CPNE8: variants seen among roughly 807,000 people sequenced by gnomAD.
CPNE8 encodes the protein copine-8.
Under a neutral mutation model 81.5 loss-of-function variants are expected in CPNE8, and 45 were observed. The ratio of observed to expected loss-of-function variants is 0.55; its 90% confidence interval spans 0.44 to 0.71. CPNE8 has a LOEUF of 0.71. Among genes scored for constraint, CPNE8 ranks in the 30% least tolerant of loss-of-function variants. The pLI, the probability that CPNE8 is intolerant of heterozygous loss-of-function variation, is 0.00. For missense variants in CPNE8, 594 were observed against 672.1 expected (o/e 0.88, Z 1.28); for synonymous variants, 252 against 226.3 (o/e 1.11, Z -1.02).
intron 5 of CPNE8, among the ~76,000 whole-genome samples, chr12:38,832,649 A>C (rs7134910): frequency 0.034 from 5,155 of 152,186 alleles, 274 homozygotes; most frequent in African/African-American, 0.12. Context: ...GGAGGCCTCT[A>C]CAGGTACCGT....
rs549903763 is a variant in CPNE8 at position 38,791,641 on chromosome 12, A to C, written c.408-15340T>G. Among the ~76,000 whole-genome samples, 3 of 151,778 alleles carry C rather than the reference A, an allele frequency of 2.0e-5. No individual in the cohort carries two copies. In the South Asian group the frequency reaches 6.2e-4, roughly 31 times the overall value. ...AAGATAATAAAACAGAAAGAAAATA[A>C]TATGAGACTTCAATACCACATCTTT... On this transcript the variant is annotated intron_variant, in intron 6 of 19. Transcript: ENST00000331366.
At chr12:38,801,402 A>G (rs1215499102) in intron 6 of CPNE8, among the ~76,000 whole-genome samples, 2 of 30,790 alleles carry the variant, frequency 6.5e-5, no homozygotes, top group Admixed American at 8.0e-4. Context: ...ATATCCAGCC[A>G]AACTAAGCTT....
intron 13 of CPNE8, among the ~76,000 whole-genome samples, chr12:38,722,180 T>A (rs1940582633): frequency 6.6e-6 from 1 of 152,198 alleles, no homozygotes. Context: ...TTTACAGGAA[T>A]AAAATATATT....
At chr12:38,878,664 G>C (rs776298048) in intron 1 of CPNE8, among the ~76,000 whole-genome samples, 1 of 152,008 alleles carries the variant, frequency 6.6e-6, no homozygotes, top group Non-Finnish European at 1.5e-5. Flanking sequence ...ATTGTCAGTC[G>C]GCATTCTGAG....
At chr12:38,845,007 C>T (rs572992029) in intron 4 of CPNE8, among the ~76,000 whole-genome samples, 1 of 151,952 alleles carries the variant, frequency 6.6e-6, no homozygotes, top group South Asian at 2.1e-4. Flanking sequence ...TTTTGTCACA[C>T]CCAACTAAAA....
At chr12:38,839,403 CA>C (rs1284643901) in intron 5 of CPNE8, among the ~76,000 whole-genome samples, 1 of 151,806 alleles carries the variant, frequency 6.6e-6, no homozygotes, top group Non-Finnish European at 1.5e-5. Flanking sequence ...AAAAAGAAAA[CA>C]AAACTATAAG....
chr12:38,790,486 G>A (rs1283610536), intron 6 of CPNE8, among the ~76,000 whole-genome samples: 1 of 151,528 alleles, frequency 6.6e-6, no homozygotes, highest in East Asian at 1.9e-4. Context: ...GCTAGTTAAT[G>A]GGAATATAAA....
intron 1 of CPNE8, among the ~76,000 whole-genome samples, chr12:38,886,714 G>A (rs1468462609): frequency 6.6e-6 from 1 of 152,046 alleles, no homozygotes; most frequent in Non-Finnish European, 1.5e-5. Flanking sequence ...AGAGCCTCCT[G>A]GTAAAATGAA....
intron 6 of CPNE8, among the ~76,000 whole-genome samples, chr12:38,788,141 C>T (rs985496961): frequency 6.6e-6 from 1 of 151,770 alleles, no homozygotes; most frequent in African/African-American, 2.4e-5. Context: ...ATAACAAAAG[C>T]AGACAAAGAC....
chr12:38,855,222 G>A (rs1943711161), intron 3 of CPNE8, among the ~76,000 whole-genome samples: 1 of 151,764 alleles, frequency 6.6e-6, no homozygotes, highest in Admixed American at 6.6e-5. Flanking sequence ...AAAAAACACT[G>A]ATGAAAGAAA....
At chr12:38,787,949 A>T (rs926719808) in intron 6 of CPNE8, among the ~76,000 whole-genome samples, 4 of 147,516 alleles carry the variant, frequency 2.7e-5, no homozygotes, top group African/African-American at 9.9e-5. Context: ...AAGGAGACTG[A>T]AGTCATAATA....
intron 6 of CPNE8, among the ~76,000 whole-genome samples, chr12:38,811,048 A>G (rs546996821): frequency 4.6e-5 from 7 of 152,210 alleles, no homozygotes; most frequent in African/African-American, 1.7e-4. Flanking sequence ...CCTTAACTAT[A>G]CCTGTAAACT....
At chr12:38,853,821 G>A (rs1943684879) in intron 3 of CPNE8, among the ~76,000 whole-genome samples, 1 of 151,980 alleles carries the variant, frequency 6.6e-6, no homozygotes, top group South Asian at 2.1e-4. Flanking sequence ...AAGCAGTACT[G>A]GAAAGAACAC....
At chr12:38,766,095 T>C (rs774470596) in intron 8 of CPNE8, among the ~76,000 whole-genome samples, 9 of 152,152 alleles carry the variant, frequency 5.9e-5, no homozygotes, top group Non-Finnish European at 1.2e-4. Flanking sequence ...CTTGACCTCG[T>C]GATCCGCCTG....
chr12:38,806,853 C>A (rs1342127687), intron 6 of CPNE8, among the ~76,000 whole-genome samples: 1 of 149,998 alleles, frequency 6.7e-6, no homozygotes, highest in Non-Finnish European at 1.5e-5. Context: ...TCTAGAAAAC[C>A]CCATCGTCTC....
chr12:38,678,071 A>G (rs1939331678), intron 16 of CPNE8, among the ~76,000 whole-genome samples: 1 of 152,082 alleles, frequency 6.6e-6, no homozygotes, highest in Admixed American at 6.6e-5. Context: ...TTTGAACTAC[A>G]TAGAGGTAAT....
At chr12:38,767,576 AATT>A in intron 8 of CPNE8, 56 bp downstream of exon 8, 1 of 1,014,520 alleles carries the variant, frequency 9.9e-7, no homozygotes, top group Non-Finnish European at 1.4e-6. Flanking sequence ...TGAGAAAAAT[AATT>A]ATAATTCAAG....
chr12:38,782,588 G>A (rs940456788), intron 6 of CPNE8, among the ~76,000 whole-genome samples: 6 of 152,008 alleles, frequency 3.9e-5, no homozygotes, highest in Non-Finnish European at 8.8e-5. Context: ...GAAACAGAAA[G>A]AGAATGAGAA....
At chr12:38,770,382 G>C (rs1481798507) in intron 7 of CPNE8, among the ~76,000 whole-genome samples, 1 of 152,006 alleles carries the variant, frequency 6.6e-6, no homozygotes, top group Non-Finnish European at 1.5e-5. Context: ...CTTTACTTTG[G>C]CTCTGCTGCC....
Sources: gnomAD v4.1 joint callset for allele counts (sites outside exome capture counted in the v4.1 genomes callset) on GRCh38, gnomAD v4.1.1 for gene constraint, MANE v1.5 for transcripts, NCBI Gene and HGNC (gene_info 2026-07-23, HGNC 2026-07-21) for gene names.